SLC38A12: variants seen among roughly 807,000 people sequenced by gnomAD.
SLC38A12 encodes the protein solute carrier family 38 member 12.
At chr17:74,785,473 C>T in the SLC38A12 span, 5 of 1,606,492 alleles carry the variant, frequency 3.1e-6, no homozygotes, top group African/African-American at 1.3e-5. Context: ...TTGCCTCTGT[C>T]GGTTCCAGGT....
chr17:74,806,476 A>G, the SLC38A12 span, among the ~76,000 whole-genome samples: 1 of 152,174 alleles, frequency 6.6e-6, no homozygotes, highest in African/African-American at 2.4e-5. Context: ...AAACTAAAAC[A>G]TGAGAGCCAG....
chr17:74,830,598 A>G, the SLC38A12 span, among the ~76,000 whole-genome samples: 1 of 152,242 alleles, frequency 6.6e-6, no homozygotes, highest in African/African-American at 2.4e-5. Flanking sequence ...GTTGCGGTAA[A>G]GCCGATATTA....
At chr17:74,820,804 CTG>C in the SLC38A12 span, among the ~76,000 whole-genome samples, 1 of 152,194 alleles carries the variant, frequency 6.6e-6, no homozygotes, top group Non-Finnish European at 1.5e-5. Flanking sequence ...CATCCAGACT[CTG>C]GGGGTGCACG....
chr17:74,804,831 G>C, the SLC38A12 span, among the ~76,000 whole-genome samples: 1 of 152,216 alleles, frequency 6.6e-6, no homozygotes, highest in Non-Finnish European at 1.5e-5. Flanking sequence ...CAGTTCTGGC[G>C]CCTTCTCCCA....
chr17:74,784,121 A>G, the SLC38A12 span, among the ~76,000 whole-genome samples: 3 of 152,196 alleles, frequency 2.0e-5, no homozygotes, highest in South Asian at 2.1e-4. Context: ...GCATGTGGCT[A>G]TCTCAGAAAA....
chr17:74,813,231 A>AAG, the SLC38A12 span, among the ~76,000 whole-genome samples: 1 of 152,194 alleles, frequency 6.6e-6, no homozygotes, highest in African/African-American at 2.4e-5. Context: ...TCCATGGGAC[A>AAG]TTGCCCGCTT....
At chr17:74,837,268 C>G in the SLC38A12 span, 1 of 985,594 alleles carries the variant, frequency 1.0e-6, no homozygotes, top group South Asian at 4.7e-5. Flanking sequence ...GGCCCCATGA[C>G]AAGAACAAGA....
the SLC38A12 span, among the ~76,000 whole-genome samples, chr17:74,782,386 G>A: frequency 6.6e-6 from 1 of 151,988 alleles, no homozygotes; most frequent in Non-Finnish European, 1.5e-5. Flanking sequence ...TTTTCTTGTT[G>A]TCTGTTTCCT....
chr17:74,795,424 T>C, the SLC38A12 span: 2 of 1,026,666 alleles, frequency 1.9e-6, no homozygotes, highest in Non-Finnish European at 2.9e-6. Context: ...AAAGTCTGAT[T>C]GTTGGCGCTC....
chr17:74,837,593 G>T, the SLC38A12 span: 3 of 985,470 alleles, frequency 3.0e-6, no homozygotes, highest in Non-Finnish European at 3.6e-6. Context: ...TGGTCAGGCT[G>T]CCCGTGCTCC....
At chr17:74,794,563 C>G in the SLC38A12 span, among the ~76,000 whole-genome samples, 1 of 152,198 alleles carries the variant, frequency 6.6e-6, no homozygotes, top group African/African-American at 2.4e-5. Flanking sequence ...TTTCCATCAA[C>G]TTCTCTTTGC....
the SLC38A12 span, chr17:74,837,030 A>G: frequency 7.4e-6 from 8 of 1,083,928 alleles, no homozygotes; most frequent in Non-Finnish European, 7.8e-6. Context: ...TCCCTGCACA[A>G]TGGGAGATGC....
the SLC38A12 span, chr17:74,795,197 C>G: frequency 1.8e-6 from 2 of 1,142,348 alleles, no homozygotes; most frequent in Middle Eastern, 2.3e-4. Context: ...GGAGAAGCAC[C>G]ATGCCAAGTG....
the SLC38A12 span, among the ~76,000 whole-genome samples, chr17:74,830,575 C>T: frequency 6.6e-6 from 1 of 152,202 alleles, no homozygotes; most frequent in East Asian, 1.9e-4. Context: ...GCTCCCTGAC[C>T]GCCACGCTTG....
chr17:74,828,614 G>T, the SLC38A12 span, among the ~76,000 whole-genome samples: 2 of 152,158 alleles, frequency 1.3e-5, no homozygotes, highest in Non-Finnish European at 2.9e-5. Flanking sequence ...ATGTCCCTCT[G>T]ATGGTGGCCC....
At chr17:74,804,557 G>C in the SLC38A12 span, among the ~76,000 whole-genome samples, 1 of 152,214 alleles carries the variant, frequency 6.6e-6, no homozygotes, top group African/African-American at 2.4e-5. Flanking sequence ...TTGTGGATTC[G>C]CTGACAGTGG....
At chr17:74,797,269 C>G in the SLC38A12 span, among the ~76,000 whole-genome samples, 1 of 152,228 alleles carries the variant, frequency 6.6e-6, no homozygotes, top group African/African-American at 2.4e-5. Context: ...CCCTGGATCT[C>G]AATAACTCTC....
At chr17:74,785,277 G>A in the SLC38A12 span, among the ~76,000 whole-genome samples, 3 of 152,208 alleles carry the variant, frequency 2.0e-5, no homozygotes, top group Admixed American at 6.5e-5. Context: ...TCATCCATGT[G>A]TTCATGTTTG....
At chr17:74,785,619 G>A in the SLC38A12 span, 4 of 1,611,576 alleles carry the variant, frequency 2.5e-6, no homozygotes, top group South Asian at 4.4e-5. Context: ...AGGCAGCGGG[G>A]ACTTCCCCAC....
Sources: allele counts gnomAD v4.1 joint callset (sites outside exome capture counted in the v4.1 genomes callset), GRCh38; gene constraint gnomAD v4.1.1; transcripts MANE v1.5; gene names NCBI Gene and HGNC (gene_info 2026-07-23, HGNC 2026-07-21).